Variants in RASAL2 observed in about 807,000 individuals in gnomAD.
RASAL2 encodes ras GTPase-activating protein nGAP.
RASAL2 carries 58 observed loss-of-function variants against 128.9 expected under a neutral mutation model. That is an observed-to-expected ratio of 0.45 (90% CI 0.36 to 0.56). The LOEUF (loss-of-function observed/expected upper bound fraction) is 0.56, where lower values mean the gene tolerates loss of function less well. Ranked by LOEUF, RASAL2 falls within the 20% of genes least tolerant of loss-of-function variation. RASAL2 has a pLI of 0.00. For missense variants in RASAL2, 1,360 were observed against 1,601.6 expected (o/e 0.85, Z 2.57); for synonymous variants, 561 against 580.8 (o/e 0.97, Z 0.49).
chr1:178,408,637 CT>C (rs1674149986), intron 4 of RASAL2, among the ~76,000 whole-genome samples: 3 of 140,138 alleles, frequency 2.1e-5, no homozygotes, highest in South Asian at 2.1e-4. Context: ...TTTTGCTTCT[CT>C]TTTTTTTCCT....
chr1:178,424,888 A>T (rs530197762), intron 5 of RASAL2, among the ~76,000 whole-genome samples: 114 of 152,326 alleles, frequency 7.5e-4, no homozygotes, highest in African/African-American at 2.5e-3. Flanking sequence ...CCATAGTTTT[A>T]CCAAATAATG....
At position 178,477,256 on chromosome 1, in the gene RASAL2, T is replaced by C. The variant is rs1648739802; in HGVS notation, c.*4017T>C. 6.6e-6 allele frequency: 1 copy of C among 152,180 alleles called. No individual in the cohort carries two copies. The highest frequency in any genetic ancestry group is 1.5e-5 in the Non-Finnish European group (1 of 68,016). The allele number at this position is 152,180 out of a possible 1,614,324, so 9.4% of individuals were successfully genotyped here. ...AGTAAATAGTTGCCTTCCTACCCCT[T>C]ACCTGGGGGCCGATAATTTGAGATA... On this transcript the variant is annotated 3_prime_UTR_variant, in exon 18 of 18. Transcript: ENST00000367649.
At chr1:178,375,037 G>T (rs976358861) in intron 3 of RASAL2, among the ~76,000 whole-genome samples, 6 of 152,098 alleles carry the variant, frequency 3.9e-5, no homozygotes, top group Non-Finnish European at 5.9e-5. Flanking sequence ...TGGAGAAAAT[G>T]AAAATAAGGC....
chr1:178,161,552 A>G (rs1301900946), intron 1 of RASAL2, among the ~76,000 whole-genome samples: 2 of 152,312 alleles, frequency 1.3e-5, no homozygotes, highest in East Asian at 3.9e-4. Context: ...CCATTTGACT[A>G]TTATGAATAA....
rs545396444 is a variant in RASAL2 at position 178,138,183 on chromosome 1, C to A, written c.202+43489C>A. Reference sequence around the variant, plus strand: ...GAATAGAAAAATGGTGATGAGATGTCTTTATTTGACTGCACAGGGAGAATT... The same window carrying A: ...GAATAGAAAAATGGTGATGAGATGTATTTATTTGACTGCACAGGGAGAATT... On this transcript the variant is annotated intron_variant, in intron 1 of 17. Coordinates refer to ENST00000367649, the MANE Select transcript of RASAL2 (RefSeq NM_170692.4). 4.6e-5 allele frequency among the ~76,000 whole-genome samples: 7 copies of A among 152,216 alleles called. No homozygotes were observed. The South Asian group carries it at 1.5e-3, about 32-fold the overall frequency.
intron 2 of RASAL2, among the ~76,000 whole-genome samples, chr1:178,285,924 G>A (rs568442941): frequency 9.9e-5 from 15 of 152,272 alleles, no homozygotes; most frequent in Admixed American, 3.9e-4. Flanking sequence ...AGTTACCTGC[G>A]CTTGGGCCAC....
intron 1 of RASAL2, among the ~76,000 whole-genome samples, chr1:178,215,541 A>G (rs1571643870): frequency 2.0e-5 from 3 of 152,342 alleles, no homozygotes; most frequent in Admixed American, 1.3e-4. Flanking sequence ...AGCTAGTATT[A>G]CTTATGAATA....
At chr1:178,439,893 G>C (rs1395507514) in intron 6 of RASAL2, among the ~76,000 whole-genome samples, 1 of 151,846 alleles carries the variant, frequency 6.6e-6, no homozygotes, top group Non-Finnish European at 1.5e-5. Context: ...TATTGGTAAG[G>C]ATGTCACTCA....
chr1:178,443,221 A>G lies in RASAL2; in HGVS notation c.1474A>G (p.Arg492Gly). The G allele has an allele frequency of 2.5e-6, 4 of 1,603,114 alleles. No individual in the cohort carries two copies. Among genetic ancestry groups the G allele is most frequent in the Non-Finnish European group, 3.4e-6 (4 of 1,171,190 alleles). ...AGTGCACATTCTTCAAAGTACTGGC[A>G]GAGCCAAGGTAAGTGGAAAAGGGGG... ...ALVHILQSTGRAKDFLTDLVM... is the reference protein window; with the variant it reads ...ALVHILQSTGGAKDFLTDLVM... The change falls in exon 8 of 18, where the codon AGA (arginine) becomes GGA (glycine). Residue 492 changes from arginine (R) to glycine (G), a missense_variant. This residue lies in a region of RASAL2 where 617 missense variants were observed against 714.2 expected (regional missense o/e 0.86). Transcript: ENST00000367649.
At chr1:178,331,513 T>C (rs921172211) in intron 3 of RASAL2, among the ~76,000 whole-genome samples, 2 of 151,830 alleles carry the variant, frequency 1.3e-5, no homozygotes, top group Non-Finnish European at 2.9e-5. Context: ...TTTTTGTTGC[T>C]ATTAGCAATC....
At chr1:178,206,806 A>G (rs1279579632) in intron 1 of RASAL2, among the ~76,000 whole-genome samples, 1 of 152,228 alleles carries the variant, frequency 6.6e-6, no homozygotes, top group Admixed American at 6.5e-5. Flanking sequence ...AACCTTTAAA[A>G]AAAAGTTCAT....
chr1:178,421,929 T>C (rs1375260423), intron 5 of RASAL2, among the ~76,000 whole-genome samples: 1 of 152,028 alleles, frequency 6.6e-6, no homozygotes, highest in Non-Finnish European at 1.5e-5. Flanking sequence ...TTTTTCTTAG[T>C]TTCCTGTTAT....
At position 178,322,728 on chromosome 1, in the gene RASAL2, C is replaced by T. The variant is rs527361485; in HGVS notation, c.457+22610C>T. ...ACTGCTCTTTTGTCATCTTAGAGCA[C>T]TAATTGAATCATACTACTTTCCTTG... is the stretch of plus-strand genomic sequence containing the variant. On this transcript the variant is annotated intron_variant, in intron 3 of 17. Transcript: ENST00000367649. Among the ~76,000 whole-genome samples the T allele has an allele frequency of 1.4e-3, 220 of 152,298 alleles. 2 individuals carry two copies. The highest frequency in any genetic ancestry group is 3.4e-3 in the Middle Eastern group (1 of 294).
chr1:178,176,891 C>T (rs1214525733), intron 1 of RASAL2, among the ~76,000 whole-genome samples: 1 of 152,066 alleles, frequency 6.6e-6, no homozygotes, highest in East Asian at 1.9e-4. Flanking sequence ...CTAAAACTAT[C>T]CTCCCACCAC....
At chr1:178,377,418 G>GAAAAC (rs60113636) in intron 3 of RASAL2, among the ~76,000 whole-genome samples, 1 of 151,948 alleles carries the variant, frequency 6.6e-6, no homozygotes, top group Non-Finnish European at 1.5e-5. Flanking sequence ...AGAGGAAAAA[G>GAAAAC]AAAACAAAAC....
Position 178,353,105 on chromosome 1 carries a change from A to G in RASAL2, c.458-36995A>G, listed in dbSNP as rs548627681. Among the ~76,000 whole-genome samples the G allele has an allele frequency of 2.6e-5, 4 of 152,354 alleles. No homozygotes were observed. In the East Asian group the frequency reaches 7.7e-4, roughly 29 times the overall value. ...GTACTTGGCACCTTTTTACTTATGC[A>G]AATTTCTGCAACCTGCTTGAATTCC... On this transcript the variant is annotated intron_variant, in intron 3 of 17. Transcript: ENST00000367649.
At chr1:178,124,399 G>A (rs1040470526) in intron 1 of RASAL2, among the ~76,000 whole-genome samples, 6 of 152,144 alleles carry the variant, frequency 3.9e-5, no homozygotes, top group Non-Finnish European at 5.9e-5. Flanking sequence ...AGAGTGCATG[G>A]TGCCCCTCAT....
chr1:178,353,128 T>A (rs1670605600), intron 3 of RASAL2, among the ~76,000 whole-genome samples: 1 of 152,232 alleles, frequency 6.6e-6, no homozygotes, highest in Admixed American at 6.5e-5. Context: ...CTGCTTGAAT[T>A]CCTCCCCTGA....
chr1:178,445,789 T>A, intron 9 of RASAL2, 127 bp downstream of exon 9: 1 of 975,154 alleles, frequency 1.0e-6, no homozygotes, highest in Non-Finnish European at 1.5e-6. Context: ...GGTGTTAAGG[T>A]TTGAATCATG....
Sources: gnomAD v4.1 joint callset for allele counts (sites outside exome capture counted in the v4.1 genomes callset) on GRCh38, gnomAD v4.1.1 for gene constraint, gnomAD v4.1.1 regional missense constraint, MANE v1.5 for transcripts, NCBI Gene and HGNC (gene_info 2026-07-23, HGNC 2026-07-21) for gene names.